FAM120B: variants seen among roughly 807,000 people sequenced by gnomAD.
FAM120B encodes family with sequence similarity 120 member B.
A neutral mutation model predicts 96.3 loss-of-function variants in FAM120B; 83 were observed. The observed-to-expected ratio is 0.86, with a 90% CI of 0.72 to 1.03. The LOEUF (loss-of-function observed/expected upper bound fraction) is 1.03, where lower values mean the gene tolerates loss of function less well. Among genes scored for constraint, FAM120B ranks in the 50% least tolerant of loss-of-function variants. The probability of loss-of-function intolerance (pLI) is 0.00; values close to 1 mark genes in which losing one functional copy is unlikely to be tolerated. For synonymous variants in FAM120B, 407 were observed against 402.7 expected (o/e 1.01, Z -0.13); for missense variants, 1,027 against 1,121.2 (o/e 0.92, Z 1.20).
intron 6 of FAM120B, among the ~76,000 whole-genome samples, chr6:170,374,759 A>G (rs1289102128): frequency 6.6e-6 from 1 of 152,214 alleles, no homozygotes; most frequent in Non-Finnish European, 1.5e-5. Context: ...CCAGGATGGC[A>G]TCTGTTAGAT....
At chr6:170,327,117 G>T (rs1045931435) in intron 3 of FAM120B, among the ~76,000 whole-genome samples, 1 of 151,970 alleles carries the variant, frequency 6.6e-6, no homozygotes, top group Admixed American at 6.5e-5. Flanking sequence ...CACAATCTTG[G>T]CTCACTGCAA....
chr6:170,304,578 G>A (rs528935643), upstream of FAM120B, among the ~76,000 whole-genome samples: 3 of 152,102 alleles, frequency 2.0e-5, no homozygotes, highest in South Asian at 2.1e-4. Flanking sequence ...TCATCTGAGC[G>A]ATACCATCGA....
intron 1 of FAM120B, chr6:170,297,967 A>G (rs1363304665): frequency 6.6e-6 from 1 of 152,214 alleles, no homozygotes; most frequent in Non-Finnish European, 1.5e-5. Flanking sequence ...TAAATCTCAG[A>G]TGTAAGACTT....
chr6:170,388,432 T>C lies in FAM120B; in HGVS notation c.2429T>C (p.Phe810Ser). Residue 810 changes from phenylalanine to serine, a missense_variant, in exon 7 of 11, where the codon TTT becomes TCT. Around this residue, in one of 3 missense-constraint regions of FAM120B, gnomAD observed 5 missense variants for 17.9 expected, o/e 0.28. Coordinates refer to ENST00000476287, the MANE Select transcript of FAM120B (RefSeq NM_032448.3). ...MPWNVFDGKL[F>S]HQKYLQSEKG... ...TGGAATGTATTTGACGGGAAGCTTT[T>C]TCATCAGAAGTACTTGCAATCTGAA... 1 of 1,614,192 alleles carries C rather than the reference T, an allele frequency of 6.2e-7. No homozygotes were observed. Among genetic ancestry groups the C allele is most frequent in the East Asian group, 2.2e-5 (1 of 44,890 alleles).
intron 1 of FAM120B, among the ~76,000 whole-genome samples, chr6:170,307,160 A>C (rs75799561): frequency 1.1e-3 from 168 of 151,370 alleles, no homozygotes; most frequent in Non-Finnish European, 2.1e-3. Flanking sequence ...TCTGACCCCT[A>C]CTCCCTCCCT....
chr6:170,395,887 C>A (rs1790698879), intron 9 of FAM120B, among the ~76,000 whole-genome samples: 1 of 152,150 alleles, frequency 6.6e-6, no homozygotes, highest in African/African-American at 2.4e-5. Context: ...TGTGGAAGAT[C>A]CATTGTTCTC....
chr6:170,338,562 T>C (rs569824730), intron 4 of FAM120B, among the ~76,000 whole-genome samples: 7 of 152,216 alleles, frequency 4.6e-5, no homozygotes, highest in African/African-American at 1.4e-4. Flanking sequence ...TGGTCCAGAG[T>C]TGAGTTCAGA....
intron 6 of FAM120B, among the ~76,000 whole-genome samples, chr6:170,361,603 G>C (rs184551846): frequency 1.7e-4 from 26 of 152,216 alleles, no homozygotes; most frequent in African/African-American, 5.5e-4. Flanking sequence ...CTGAGTGCCA[G>C]TTATGTGTTT....
intron 9 of FAM120B, among the ~76,000 whole-genome samples, chr6:170,400,424 A>G (rs1340511075): frequency 6.6e-6 from 1 of 152,146 alleles, no homozygotes; most frequent in Non-Finnish European, 1.5e-5. Context: ...TAAGAGTCAC[A>G]GGCTTTTCTT....
At chr6:170,367,123 A>C (rs1193036522) in intron 6 of FAM120B, among the ~76,000 whole-genome samples, 1 of 152,266 alleles carries the variant, frequency 6.6e-6, no homozygotes, top group Admixed American at 6.5e-5. Flanking sequence ...AAAACTCACC[A>C]GTAGAAGTTG....
At chr6:170,369,882 T>C (rs1181868246) in intron 6 of FAM120B, among the ~76,000 whole-genome samples, 1 of 152,168 alleles carries the variant, frequency 6.6e-6, no homozygotes, top group Non-Finnish European at 1.5e-5. Context: ...TAATTAATTG[T>C]CAGTTTGCTG....
chr6:170,398,731 T>C (rs59662940), intron 9 of FAM120B, among the ~76,000 whole-genome samples: 1 of 146,056 alleles, frequency 6.8e-6, no homozygotes, highest in Non-Finnish European at 1.5e-5. Context: ...ATGTCATAAC[T>C]CTTAGGAGTG....
At chr6:170,367,096 C>A (rs1486111897) in intron 6 of FAM120B, among the ~76,000 whole-genome samples, 6 of 152,078 alleles carry the variant, frequency 3.9e-5, no homozygotes, top group African/African-American at 7.2e-5. Flanking sequence ...ACAAATTTTT[C>A]TTTTTAGGTT....
At chr6:170,359,123 G>A (rs762945909) in intron 6 of FAM120B, among the ~76,000 whole-genome samples, 6 of 152,054 alleles carry the variant, frequency 3.9e-5, no homozygotes, top group Admixed American at 6.5e-5. Flanking sequence ...AACTTAGGCC[G>A]GGTGCAGTGG....
At chr6:170,330,387 GA>G in intron 3 of FAM120B, 61 bp from the exon 4 acceptor site, 1 of 1,345,344 alleles carries the variant, frequency 7.4e-7, no homozygotes, top group Non-Finnish European at 1.1e-6. Context: ...CTGGGTCTGT[GA>G]CACTGTGAGC....
intron 5 of FAM120B, among the ~76,000 whole-genome samples, chr6:170,354,087 G>A (rs1787746088): frequency 2.0e-5 from 3 of 152,072 alleles, no homozygotes; most frequent in South Asian, 4.1e-4. Context: ...TAGAACAATG[G>A]AACAGAATAG....
intron 1 of FAM120B, chr6:170,298,407 C>T (rs1784068893): frequency 6.6e-6 from 1 of 152,190 alleles, no homozygotes; most frequent in South Asian, 2.1e-4. Flanking sequence ...CAGTTTCCTT[C>T]ATTCTTGTCA....
chr6:170,369,898 G>A lies in FAM120B; in HGVS notation c.2283+11580G>A, dbSNP rs76474893. Among the ~76,000 whole-genome samples the A allele has an allele frequency of 0.01, 1,566 of 152,230 alleles. 68 individuals are homozygous for A. In the East Asian group the frequency reaches 0.11, roughly 10 times the overall value. On this transcript the variant is annotated intron_variant, in intron 6 of 10. Coordinates refer to ENST00000476287, the MANE Select transcript of FAM120B (RefSeq NM_032448.3). Reference sequence around the variant, plus strand: ...AATTAATTGTCAGTTTGCTGAATATGTCCATAAATCTTATACTTAAGAGTT... The same window carrying A: ...AATTAATTGTCAGTTTGCTGAATATATCCATAAATCTTATACTTAAGAGTT...
At chr6:170,390,412 A>G (rs549611006) in intron 7 of FAM120B, among the ~76,000 whole-genome samples, 18 of 152,252 alleles carry the variant, frequency 1.2e-4, no homozygotes, top group Admixed American at 3.9e-4. Context: ...CATTCCATCA[A>G]GGATCTTTTC....
Sources: allele counts gnomAD v4.1 joint callset (sites outside exome capture counted in the v4.1 genomes callset), GRCh38; gene constraint gnomAD v4.1.1; regional missense constraint gnomAD v4.1.1; transcripts MANE v1.5; gene names NCBI Gene and HGNC (gene_info 2026-07-23, HGNC 2026-07-21).